Variants in NRG3 observed in about 807,000 individuals in gnomAD.
NRG3 encodes the protein neuregulin 3, also known as pro-neuregulin-3, membrane-bound isoform.
In NRG3, 31 loss-of-function variants were observed where a neutral mutation model predicts 66.9. The ratio of observed to expected loss-of-function variants is 0.46; its 90% CI spans 0.35 to 0.63. The LOEUF (loss-of-function observed/expected upper bound fraction) is 0.63, where lower values mean the gene tolerates loss of function less well. Ranked by LOEUF, NRG3 falls within the 20% of genes least tolerant of loss-of-function variation. NRG3 has a pLI of 0.00. For synonymous variants in NRG3, 393 were observed against 359.4 expected (o/e 1.09, Z -1.06); for missense variants, 910 against 878.9 (o/e 1.04, Z -0.45).
chr10:82,192,871 G>A (rs540228657), intron 1 of NRG3, among the ~76,000 whole-genome samples: 21 of 152,086 alleles, frequency 1.4e-4, no homozygotes, highest in African/African-American at 5.1e-4. Context: ...AATATCTTTT[G>A]ATTTGATGGT....
chr10:82,899,501 C>T (rs28568881), intron 4 of NRG3, among the ~76,000 whole-genome samples: 16,349 of 152,094 alleles, frequency 0.11, 942 homozygotes, highest in Middle Eastern at 0.15. Flanking sequence ...CAGGAATGTG[C>T]GTAGTATTTT....
At chr10:82,960,499 A>C (rs530952900) in intron 6 of NRG3, among the ~76,000 whole-genome samples, 2 of 151,542 alleles carry the variant, frequency 1.3e-5, no homozygotes, top group Admixed American at 1.3e-4. Flanking sequence ...GAAAGAAGTA[A>C]AATTATATTT....
intron 4 of NRG3, among the ~76,000 whole-genome samples, chr10:82,943,813 G>A (rs1848773482): frequency 6.6e-6 from 1 of 151,966 alleles, no homozygotes; most frequent in African/African-American, 2.4e-5. Flanking sequence ...ATCACACAGG[G>A]GGGAAAAATT....
chr10:82,512,413 G>C (rs1845273679), intron 2 of NRG3, among the ~76,000 whole-genome samples: 1 of 151,936 alleles, frequency 6.6e-6, no homozygotes, highest in African/African-American at 2.4e-5. Context: ...AGCCTCCCAA[G>C]TAGCTGAGAT....
chr10:82,771,239 A>G (rs984461235), intron 3 of NRG3, among the ~76,000 whole-genome samples: 3 of 152,212 alleles, frequency 2.0e-5, no homozygotes, highest in Non-Finnish European at 4.4e-5. Context: ...AAAATTTGAC[A>G]TGCTCTTAAT....
At chr10:82,458,334 C>T (rs1400292786) in intron 2 of NRG3, among the ~76,000 whole-genome samples, 1 of 152,132 alleles carries the variant, frequency 6.6e-6, no homozygotes, top group South Asian at 2.1e-4. Flanking sequence ...AATCTTATTG[C>T]ATTATCTTTA....
At chr10:82,240,511 CG>C (rs2076961884) in intron 1 of NRG3, among the ~76,000 whole-genome samples, 1 of 151,958 alleles carries the variant, frequency 6.6e-6, no homozygotes, top group African/African-American at 2.4e-5. Context: ...ATGAAGAGTC[CG>C]AAATGGTTCC....
intron 1 of NRG3, among the ~76,000 whole-genome samples, chr10:82,228,352 T>G (rs1316607185): frequency 6.6e-6 from 1 of 152,080 alleles, no homozygotes; most frequent in Non-Finnish European, 1.5e-5. Flanking sequence ...TACCCCTCAT[T>G]AGGGATACAG....
chr10:82,109,794 A>T (rs1207554932), intron 1 of NRG3, among the ~76,000 whole-genome samples: 1 of 152,136 alleles, frequency 6.6e-6, no homozygotes, highest in Non-Finnish European at 1.5e-5. Context: ...CAAGCCTTCA[A>T]ATTCAGTACT....
At chr10:82,391,054 C>T (rs891237919) in intron 2 of NRG3, among the ~76,000 whole-genome samples, 1 of 152,158 alleles carries the variant, frequency 6.6e-6, no homozygotes, top group African/African-American at 2.4e-5. Flanking sequence ...TAAACAAGGA[C>T]ATTTTTTAGC....
intron 2 of NRG3, among the ~76,000 whole-genome samples, chr10:82,451,606 A>G (rs1331832845): frequency 6.6e-6 from 1 of 152,184 alleles, no homozygotes; most frequent in Non-Finnish European, 1.5e-5. Context: ...TTAACTTCTC[A>G]GAGGAAGAGC....
chr10:82,959,029 T>C lies in NRG3; in HGVS notation c.1238T>C (p.Met413Thr). 1 of 1,607,478 alleles carries C rather than the reference T, an allele frequency of 6.2e-7. No homozygotes were observed. Among genetic ancestry groups the C allele is most frequent in the South Asian group, 1.1e-5 (1 of 89,806 alleles). The change falls in exon 6 of 9, where the codon ATG becomes ACG. Residue 413 changes from methionine (M) to threonine (T), a missense_variant. By Grantham distance (81) the Met-to-Thr change is moderately conservative. Coordinates refer to ENST00000372141, the MANE Select transcript of NRG3 (RefSeq NM_001010848.4). ...KSYSLKASSTMAKSENLVKSH... is the reference protein window; with the variant it reads ...KSYSLKASSTTAKSENLVKSH... ...TACAGTCTCAAAGCATCCAGCACAA[T>C]GGCAAAGTCAGAGAACTTGGTGAAG...
intron 2 of NRG3, among the ~76,000 whole-genome samples, chr10:82,614,297 T>C (rs2048501355): frequency 6.6e-6 from 1 of 152,224 alleles, no homozygotes; most frequent in South Asian, 2.1e-4. Flanking sequence ...AGTGCAGATG[T>C]GTACAGCAGC....
intron 2 of NRG3, among the ~76,000 whole-genome samples, chr10:82,592,088 G>A (rs1051562063): frequency 1.3e-5 from 2 of 152,108 alleles, no homozygotes; most frequent in African/African-American, 4.8e-5. Context: ...GGTCACTGTG[G>A]ATTAATAAGG....
chr10:82,044,510 C>A (rs1184418850), intron 1 of NRG3, among the ~76,000 whole-genome samples: 2 of 152,012 alleles, frequency 1.3e-5, no homozygotes, highest in East Asian at 3.9e-4. Flanking sequence ...ACATAGACAG[C>A]GACCCCAGCT....
At chr10:82,439,307 A>C (rs1281499464) in intron 2 of NRG3, among the ~76,000 whole-genome samples, 3 of 152,156 alleles carry the variant, frequency 2.0e-5, no homozygotes, top group Admixed American at 2.0e-4. Context: ...TATCTCCTGC[A>C]TGAGCACAGG....
chr10:82,179,099 T>C (rs892232182), intron 1 of NRG3, among the ~76,000 whole-genome samples: 7 of 152,020 alleles, frequency 4.6e-5, no homozygotes, highest in Non-Finnish European at 1.5e-5. Context: ...GGAGCTTTTT[T>C]TGCTACTGAA....
chr10:82,491,706 G>T (rs1396516743), intron 2 of NRG3, among the ~76,000 whole-genome samples: 2 of 152,054 alleles, frequency 1.3e-5, no homozygotes, highest in Non-Finnish European at 2.9e-5. Context: ...GCAGCTCAAT[G>T]ATATTGATCT....
chr10:82,627,904 G>C (rs1427524189), intron 2 of NRG3, among the ~76,000 whole-genome samples: 1 of 152,196 alleles, frequency 6.6e-6, no homozygotes, highest in African/African-American at 2.4e-5. Context: ...TTGTTTACCA[G>C]TTCTAGGCAG....
Sources: allele counts gnomAD v4.1 joint callset (sites outside exome capture counted in the v4.1 genomes callset), GRCh38; gene constraint gnomAD v4.1.1; transcripts MANE v1.5; gene names NCBI Gene and HGNC (gene_info 2026-07-23, HGNC 2026-07-21).